PIWIL2: variants seen among roughly 807,000 people sequenced by gnomAD.
The protein encoded by PIWIL2 is piwi-like protein 2.
A neutral mutation model predicts 116.5 loss-of-function variants in PIWIL2; 81 were observed. The ratio of observed to expected loss-of-function variants is 0.70; its 90% CI spans 0.58 to 0.84. The LOEUF is 0.84. Among genes scored for constraint, PIWIL2 ranks in the 40% least tolerant of loss-of-function variants. The pLI, the probability that PIWIL2 is intolerant of heterozygous loss-of-function variation, is 0.00. For synonymous variants in PIWIL2, 489 were observed against 429.5 expected (o/e 1.14, Z -1.71); for missense variants, 1,272 against 1,212.3 (o/e 1.05, Z -0.73).
At chr8:22,288,050 G>A (rs1258046547) in intron 7 of PIWIL2, among the ~76,000 whole-genome samples, 1 of 152,168 alleles carries the variant, frequency 6.6e-6, no homozygotes, top group Non-Finnish European at 1.5e-5. Flanking sequence ...TGTAATCCTA[G>A]TACTTTGGGA....
intron 6 of PIWIL2, among the ~76,000 whole-genome samples, chr8:22,285,921 C>T (rs1049496043): frequency 1.3e-5 from 2 of 151,860 alleles, no homozygotes; most frequent in East Asian, 1.9e-4. Context: ...CTGGGATTAC[C>T]GGCATGAGCC....
chr8:22,343,639 A>C (rs937206011), intron 20 of PIWIL2, among the ~76,000 whole-genome samples: 2 of 152,234 alleles, frequency 1.3e-5, no homozygotes, highest in African/African-American at 4.8e-5. Context: ...GCATACAAGC[A>C]GGTGTTCAAT....
intron 20 of PIWIL2, among the ~76,000 whole-genome samples, chr8:22,319,986 G>C (rs1246144877): frequency 6.6e-6 from 1 of 152,156 alleles, no homozygotes; most frequent in Non-Finnish European, 1.5e-5. Flanking sequence ...TTTTGAGACA[G>C]GGTCTCACTC....
At chr8:22,310,109 G>A (rs1831292171) in intron 15 of PIWIL2, 35 bp downstream of exon 15, 2 of 1,113,048 alleles carry the variant, frequency 1.8e-6, no homozygotes, top group Non-Finnish European at 2.7e-6. Flanking sequence ...GAGAGGACCA[G>A]TATTCCCCAA....
chr8:22,285,295 A>T (rs962625382), intron 6 of PIWIL2, among the ~76,000 whole-genome samples: 1 of 152,140 alleles, frequency 6.6e-6, no homozygotes, highest in African/African-American at 2.4e-5. Flanking sequence ...ACTTTTTTAG[A>T]TTCCATATAT....
intron 5 of PIWIL2, among the ~76,000 whole-genome samples, chr8:22,283,500 G>A (rs929129570): frequency 2.0e-5 from 3 of 152,110 alleles, no homozygotes; most frequent in Non-Finnish European, 2.9e-5. Flanking sequence ...CCTCCGCCTC[G>A]CGGGTTCAAG....
At chr8:22,321,360 A>G (rs1831594651) in intron 20 of PIWIL2, among the ~76,000 whole-genome samples, 1 of 151,744 alleles carries the variant, frequency 6.6e-6, no homozygotes, top group African/African-American at 2.4e-5. Flanking sequence ...CGATCCTCCC[A>G]CCTCAGCTTC....
At chr8:22,353,260 G>T in intron 21 of PIWIL2, 48 bp downstream of exon 21, 1 of 1,537,898 alleles carries the variant, frequency 6.5e-7, no homozygotes, top group Non-Finnish European at 8.9e-7. Context: ...AGTTGGAGAT[G>T]TTGTCACTTT....
rs1330377028 is a variant in PIWIL2, at chr8:22,295,292, G to C, written c.1181+4946G>C. Among the ~76,000 whole-genome samples, 6 of 151,930 alleles carry C rather than the reference G, an allele frequency of 3.9e-5. 1 individual carries two copies. The highest frequency in any genetic ancestry group is 1.3e-4 in the Admixed American group (2 of 15,246). On this transcript the variant is annotated intron_variant, in intron 10 of 22. Coordinates refer to ENST00000356766, the MANE Select transcript of PIWIL2 (RefSeq NM_018068.5). ...GGGCTCAAGTGATCTTTCTGCCTCA[G>C]CTTCCTGAGTAACTGGGGCTACAGG... is the stretch of plus-strand genomic sequence containing the variant.
chr8:22,295,313 A>G (rs2132012301), intron 10 of PIWIL2, among the ~76,000 whole-genome samples: 1 of 149,558 alleles, frequency 6.7e-6, no homozygotes, highest in East Asian at 2.0e-4. Context: ...AACTGGGGCT[A>G]CAGGCTTGTG....
At chr8:22,353,258 ATGT>A (rs1832415210) in intron 21 of PIWIL2, 46 bp downstream of exon 21, 2 of 1,544,666 alleles carry the variant, frequency 1.3e-6, no homozygotes, top group South Asian at 1.2e-5. Flanking sequence ...TAAGTTGGAG[ATGT>A]TGTCACTTTC....
intron 6 of PIWIL2, among the ~76,000 whole-genome samples, chr8:22,285,197 A>C (rs1322151336): frequency 6.6e-6 from 1 of 152,184 alleles, no homozygotes; most frequent in Non-Finnish European, 1.5e-5. Context: ...AACTTTGTAC[A>C]TTTTAACCAA....
At chr8:22,318,695 A>G (rs957285266) in intron 20 of PIWIL2, among the ~76,000 whole-genome samples, 1 of 152,216 alleles carries the variant, frequency 6.6e-6, no homozygotes, top group Non-Finnish European at 1.5e-5. Context: ...TCTCAAATCA[A>G]AGGTGAGTCT....
chr8:22,353,280 TG>T (rs755987178), intron 21 of PIWIL2, 68 bp downstream of exon 21: 1 of 1,391,792 alleles, frequency 7.2e-7, no homozygotes, highest in Non-Finnish European at 1.0e-6. Context: ...TCCTGAGTAT[TG>T]GAATGGGGAG....
chr8:22,308,682 C>T (rs941092101), intron 14 of PIWIL2, among the ~76,000 whole-genome samples: 4 of 152,022 alleles, frequency 2.6e-5, no homozygotes, highest in Non-Finnish European at 5.9e-5. Context: ...AAAAAAATAA[C>T]GATGCAGTGT....
At chr8:22,346,530 C>T (rs1199088322) in intron 20 of PIWIL2, among the ~76,000 whole-genome samples, 1 of 152,152 alleles carries the variant, frequency 6.6e-6, no homozygotes, top group African/African-American at 2.4e-5. Flanking sequence ...GGTTCACCAC[C>T]TGAAGCCTCC....
In PIWIL2 at chr8:22,318,296, C is replaced by T. The variant is rs749548709; in HGVS notation, c.2403+21C>T. The T allele has an allele frequency of 3.0e-6, 4 of 1,317,332 alleles. No individual in the cohort carries two copies. In the African/African-American group the frequency reaches 5.9e-5, roughly 19 times the overall value. 81.6% of individuals were successfully genotyped at this position (1,317,332 alleles called of 1,614,324 possible). A position where few individuals can be genotyped will look rare whatever the true frequency, so the allele number is the denominator to read the frequency against. On this transcript the variant is annotated intron_variant, in intron 20 of 22. Transcript: ENST00000356766. The stretch of plus-strand genomic sequence containing the variant: ...ATGAGGTGAGGAGAACAGAAATTCT[C>T]AGGCTTCTGGGGTTTTTTGTTTTTT...
intron 20 of PIWIL2, among the ~76,000 whole-genome samples, chr8:22,340,045 ATTTTT>A (rs10626386): frequency 1.1e-5 from 1 of 93,772 alleles, no homozygotes; most frequent in Admixed American, 1.5e-4. Flanking sequence ...TATAAAAAGA[ATTTTT>A]TTTTTTTTTT....
chr8:22,326,357 A>G (rs1273963815), intron 20 of PIWIL2, among the ~76,000 whole-genome samples: 2 of 152,156 alleles, frequency 1.3e-5, no homozygotes, highest in Admixed American at 6.5e-5. Flanking sequence ...CCCCATCTCT[A>G]TAAAAAATAG....
Sources: gnomAD v4.1 joint callset for allele counts (sites outside exome capture counted in the v4.1 genomes callset) on GRCh38, gnomAD v4.1.1 for gene constraint, MANE v1.5 for transcripts, NCBI Gene and HGNC (gene_info 2026-07-23, HGNC 2026-07-21) for gene names.